AGMO: variants seen among roughly 807,000 people sequenced by gnomAD.
The protein encoded by AGMO is alkylglycerol monooxygenase.
In AGMO, 75 loss-of-function variants were observed where a neutral mutation model predicts 60.2. That is an observed-to-expected ratio of 1.25 (90% confidence interval 1.03 to 1.51). AGMO has a LOEUF of 1.51. Among genes scored for constraint, AGMO ranks in the 40% most tolerant of loss-of-function variants. AGMO has a pLI of 0.00. For missense variants in AGMO, 763 were observed against 525.5 expected, an observed-to-expected ratio of 1.45 and a Z score of -4.42; for synonymous variants, 261 against 177.1, an observed-to-expected ratio of 1.47 and a Z score of -3.76.
At chr7:15,135,445 G>C in the AGMO span, among the ~76,000 whole-genome samples, 1 of 152,024 alleles carries the variant, frequency 6.6e-6, no homozygotes, top group African/African-American at 2.4e-5. Flanking sequence ...AAATGAAACA[G>C]CCATATATTT....
chr7:15,352,661 G>A (rs1782291764), intron 12 of AGMO, among the ~76,000 whole-genome samples: 2 of 151,976 alleles, frequency 1.3e-5, no homozygotes, highest in South Asian at 4.2e-4. Flanking sequence ...CCAGCTTACA[G>A]GCAACAGCAA....
At chr7:15,233,597 T>G (rs1782324062) in intron 12 of AGMO, among the ~76,000 whole-genome samples, 1 of 151,812 alleles carries the variant, frequency 6.6e-6, no homozygotes, top group South Asian at 2.1e-4. Context: ...TCGGAAATAG[T>G]GGTGATGATT....
In AGMO at chr7:15,270,638, G is replaced by C. The variant is rs78083239; in HGVS notation, c.1264-69279C>G. On this transcript the variant is annotated intron_variant, in intron 12 of 12. Coordinates refer to ENST00000342526, the MANE Select transcript of AGMO (RefSeq NM_001004320.2). The stretch of plus-strand genomic sequence containing the variant: ...TTTTTTTTTTTTTTTTTTTTTTTTT[G>C]CTGTGCAGAAGCTTTTGGGTTTAAT... Among the ~76,000 whole-genome samples the C allele has an allele frequency of 6.6e-3, 214 of 32,266 alleles. 2 individuals carry two copies. Among genetic ancestry groups the C allele is most frequent in the African/African-American group, 0.028 (198 of 7,000 alleles). 21.2% of individuals were successfully genotyped at this position (32,266 alleles called of 152,430 possible). A position where few individuals can be genotyped will look rare whatever the true frequency, so the allele number is the denominator to read the frequency against.
Position 15,354,490 on chromosome 7 carries a change from A to G in AGMO, c.1263+11024T>C, listed in dbSNP as rs1449015618. Among the ~76,000 whole-genome samples the G allele has an allele frequency of 5.7e-3, 113 of 19,720 alleles. 8 individuals are homozygous for G. Among genetic ancestry groups the G allele is most frequent in the South Asian group, 0.013 (4 of 320 alleles). The allele number at this position is 19,720 out of a possible 152,430, so 12.9% of individuals were successfully genotyped here. On this transcript the variant is annotated intron_variant, in intron 12 of 12. Coordinates refer to ENST00000342526, the MANE Select transcript of AGMO (RefSeq NM_001004320.2). ...TGTGTATACACACGTGTGTATATACACACGTGTATATATATATATATATAT... is the reference window on the plus strand; with the variant it reads ...TGTGTATACACACGTGTGTATATACGCACGTGTATATATATATATATATAT...
chr7:15,352,447 G>GGT (rs763094713), intron 12 of AGMO, among the ~76,000 whole-genome samples: 4 of 135,368 alleles, frequency 3.0e-5, no homozygotes, highest in South Asian at 2.3e-4. Flanking sequence ...CCAGAAGTAT[G>GGT]TTTTTTTTTT....
Position 15,344,823 on chromosome 7 carries a change from T to C in AGMO, c.1263+20691A>G, listed in dbSNP as rs192231107. 6.0e-5 allele frequency among the ~76,000 whole-genome samples: 9 copies of C among 151,058 alleles called. No homozygotes were observed. The East Asian group carries it at 1.7e-3, about 29-fold the overall frequency. ...GATGCGTTTTCATCAGTTGAATATA[T>C]CCCTAAACTTAAATAAAACATCTGT... On this transcript the variant is annotated intron_variant, in intron 12 of 12. Transcript: ENST00000342526.
In AGMO at chr7:15,356,602, T is replaced by C. The variant is rs201234182; in HGVS notation, c.1263+8912A>G. Among the ~76,000 whole-genome samples, 3 of 152,150 alleles carry C rather than the reference T, an allele frequency of 2.0e-5. No homozygotes were observed. In the East Asian group the frequency reaches 5.8e-4, roughly 29 times the overall value. ...AAAATAACTGTTCTATCTGTGGAAA[T>C]ATGAGTGGTATCACACAGACAGCAG... On this transcript the variant is annotated intron_variant, in intron 12 of 12. Transcript: ENST00000342526.
intron 12 of AGMO, among the ~76,000 whole-genome samples, chr7:15,269,439 A>C (rs1317795083): frequency 6.6e-6 from 1 of 152,024 alleles, no homozygotes; most frequent in African/African-American, 2.4e-5. Flanking sequence ...AGAATCAGAG[A>C]ATGCTAGGAA....
chr7:15,282,137 A>G (rs1169583221), intron 12 of AGMO, among the ~76,000 whole-genome samples: 1 of 152,182 alleles, frequency 6.6e-6, no homozygotes, highest in African/African-American at 2.4e-5. Context: ...AGAAGCAACC[A>G]GAAAAATACT....
At chr7:15,173,969 A>G in the AGMO span, among the ~76,000 whole-genome samples, 1 of 151,952 alleles carries the variant, frequency 6.6e-6, no homozygotes, top group Non-Finnish European at 1.5e-5. Context: ...AATACATTTT[A>G]AACTTTAAGA....
chr7:15,183,558 C>T, the AGMO span, among the ~76,000 whole-genome samples: 1 of 152,128 alleles, frequency 6.6e-6, no homozygotes, highest in Non-Finnish European at 1.5e-5. Flanking sequence ...ATCTAAGATT[C>T]TAGAGTCAAC....
At chr7:15,552,023 G>C (rs1268112600) in intron 2 of AGMO, among the ~76,000 whole-genome samples, 2 of 151,424 alleles carry the variant, frequency 1.3e-5, no homozygotes, top group Non-Finnish European at 2.9e-5. Flanking sequence ...CCACATATCT[G>C]CAACTATCTG....
At chr7:15,220,710 C>A (rs1406667084) in intron 12 of AGMO, among the ~76,000 whole-genome samples, 1 of 151,478 alleles carries the variant, frequency 6.6e-6, no homozygotes, top group Non-Finnish European at 1.5e-5. Context: ...ATTTCAAAAC[C>A]ATTTAAATTT....
intron 12 of AGMO, among the ~76,000 whole-genome samples, chr7:15,293,979 A>C (rs1784346930): frequency 6.6e-6 from 1 of 152,146 alleles, no homozygotes; most frequent in South Asian, 2.1e-4. Flanking sequence ...GAGATGTTTA[A>C]GAAAGGAGAG....
At chr7:15,341,549 G>T (rs112105103) in intron 12 of AGMO, among the ~76,000 whole-genome samples, 1 of 151,984 alleles carries the variant, frequency 6.6e-6, no homozygotes, top group East Asian at 1.9e-4. Flanking sequence ...ACATCTTTCT[G>T]TCTTCTTCTG....
chr7:15,527,425 C>G (rs2128538940), intron 3 of AGMO, among the ~76,000 whole-genome samples: 1 of 152,250 alleles, frequency 6.6e-6, no homozygotes, highest in East Asian at 1.9e-4. Context: ...CCCTAAGTCT[C>G]TTCAATTTTA....
chr7:15,316,609 T>TAC (rs67680341), intron 12 of AGMO, among the ~76,000 whole-genome samples: 19,995 of 151,256 alleles, frequency 0.13, 1,434 homozygotes, highest in East Asian at 0.2. Flanking sequence ...CCAACAAATA[T>TAC]ACACACACAC....
the AGMO span, among the ~76,000 whole-genome samples, chr7:15,122,811 T>C: frequency 1.3e-5 from 2 of 152,132 alleles, no homozygotes; most frequent in South Asian, 2.1e-4. Context: ...GATACACTTA[T>C]TTGTTTTCCT....
chr7:15,233,505 G>C (rs1411635019), intron 12 of AGMO, among the ~76,000 whole-genome samples: 1 of 152,110 alleles, frequency 6.6e-6, no homozygotes, highest in Non-Finnish European at 1.5e-5. Flanking sequence ...CAGGGAATGG[G>C]GAGAGGTGGA....
Sources: allele counts gnomAD v4.1 joint callset (sites outside exome capture counted in the v4.1 genomes callset), GRCh38; gene constraint gnomAD v4.1.1; transcripts MANE v1.5; gene names NCBI Gene and HGNC (gene_info 2026-07-23, HGNC 2026-07-21).